The following EEIG1 variants were observed in gnomAD, a reference collection of about 807,000 sequenced individuals.
EEIG1 encodes early estrogen-induced gene 1 protein.
the EEIG1 span, among the ~76,000 whole-genome samples, chr9:127,958,098 T>C: frequency 1.3e-5 from 2 of 152,332 alleles, no homozygotes; most frequent in African/African-American, 4.8e-5. Flanking sequence ...AGAATAGTCT[T>C]TTCAACAAAT....
the EEIG1 span, chr9:127,942,529 C>T: frequency 2.6e-5 from 4 of 155,078 alleles, no homozygotes; most frequent in Non-Finnish European, 5.7e-5. Context: ...TGCAAGGCAG[C>T]GGGAGGACAT....
chr9:127,977,429 G>A, the EEIG1 span, among the ~76,000 whole-genome samples: 1 of 152,250 alleles, frequency 6.6e-6, no homozygotes, highest in East Asian at 1.9e-4. Context: ...AGTGGCTCCA[G>A]GGCCTGGAGG....
chr9:127,944,929 A>C, the EEIG1 span: 2 of 1,604,292 alleles, frequency 1.2e-6, no homozygotes, highest in Non-Finnish European at 1.7e-6. Flanking sequence ...ACAAGTCACA[A>C]CGGTCAGGGC....
the EEIG1 span, among the ~76,000 whole-genome samples, chr9:127,959,576 T>C: frequency 3.3e-5 from 5 of 152,182 alleles, no homozygotes; most frequent in East Asian, 1.9e-4. Flanking sequence ...GGGGAGGTGA[T>C]TGGATCATGG....
chr9:127,944,902 G>C, the EEIG1 span: 4 of 1,610,504 alleles, frequency 2.5e-6, no homozygotes, highest in African/African-American at 4.0e-5. Context: ...CTTCCGCCTG[G>C]GTCAGGTCGT....
chr9:127,976,940 C>A, the EEIG1 span, among the ~76,000 whole-genome samples: 1 of 152,024 alleles, frequency 6.6e-6, no homozygotes. This position sits in a 1 kb window ranked among gnomAD's most constrained non-coding sequence, Gnocchi z 4.1. Context: ...AACAATGGGG[C>A]CTTTGCTGTC....
the EEIG1 span, among the ~76,000 whole-genome samples, chr9:127,952,336 G>A: frequency 6.6e-6 from 1 of 152,252 alleles, no homozygotes; most frequent in African/African-American, 2.4e-5. Flanking sequence ...TGAGAGGTGA[G>A]GCGAAGGCAT....
At chr9:127,965,106 C>CAAAAAAAAAAAAAAAAAAAAAAAAA in the EEIG1 span, among the ~76,000 whole-genome samples, 1 of 69,702 alleles carries the variant, frequency 1.4e-5, no homozygotes, top group Admixed American at 1.8e-4. Flanking sequence ...AAGACTGTCT[C>CAAAAAAAAAAAAAAAAAAAAAAAAA]AAAAAAAAAA....
chr9:127,955,164 AC>A, the EEIG1 span, among the ~76,000 whole-genome samples: 11 of 152,316 alleles, frequency 7.2e-5, no homozygotes, highest in Non-Finnish European at 1.5e-4. Context: ...TAAGGAAGTG[AC>A]CCGAGGAGAG....
the EEIG1 span, chr9:127,944,792 C>T: frequency 1.2e-6 from 2 of 1,612,046 alleles, no homozygotes; most frequent in Admixed American, 1.7e-5. Flanking sequence ...GTGTTGCTGC[C>T]ATCTGTGAAA....
At chr9:127,977,558 C>T in the EEIG1 span, among the ~76,000 whole-genome samples, 3 of 152,212 alleles carry the variant, frequency 2.0e-5, no homozygotes, top group Admixed American at 1.3e-4. Context: ...CCCCACCCCA[C>T]CGCCCACCAA....
chr9:127,947,577 GA>G, the EEIG1 span, among the ~76,000 whole-genome samples: 1 of 152,162 alleles, frequency 6.6e-6, no homozygotes. Flanking sequence ...CACTGAGACA[GA>G]GAGACGCAAA....
At chr9:127,963,485 A>G in the EEIG1 span, among the ~76,000 whole-genome samples, 1 of 152,246 alleles carries the variant, frequency 6.6e-6, no homozygotes, top group East Asian at 1.9e-4. Context: ...AGACATGTAA[A>G]TCTCAGCAAG....
At chr9:127,951,944 C>T in the EEIG1 span, among the ~76,000 whole-genome samples, 1 of 152,186 alleles carries the variant, frequency 6.6e-6, no homozygotes, top group Non-Finnish European at 1.5e-5. Context: ...CGTCCAGCCA[C>T]TTCTCAGGGC....
the EEIG1 span, among the ~76,000 whole-genome samples, chr9:127,968,207 G>C: frequency 6.6e-6 from 1 of 152,034 alleles, no homozygotes; most frequent in Non-Finnish European, 1.5e-5. Context: ...CTCATGCCTG[G>C]GTGGTGGTTG....
chr9:127,957,286 G>GATCTTTTCTGCAACTTTT, the EEIG1 span, among the ~76,000 whole-genome samples: 1 of 152,016 alleles, frequency 6.6e-6, no homozygotes, highest in African/African-American at 2.4e-5. Context: ...AAAAGTTGCA[G>GATCTTTTCTGCAACTTTT]GATACAAGAT....
chr9:127,946,463 G>A, the EEIG1 span, among the ~76,000 whole-genome samples: 14 of 151,992 alleles, frequency 9.2e-5, no homozygotes, highest in South Asian at 1.9e-3. Flanking sequence ...TGACACCCCA[G>A]GCTGGCCTGT....
chr9:127,980,064 G>A, the EEIG1 span: 1 of 1,613,898 alleles, frequency 6.2e-7, no homozygotes, highest in Non-Finnish European at 8.5e-7. Flanking sequence ...GTTCACGAAG[G>A]GAACCGCAGT....
chr9:127,955,578 C>G, the EEIG1 span, among the ~76,000 whole-genome samples: 2 of 152,232 alleles, frequency 1.3e-5, no homozygotes, highest in Admixed American at 6.5e-5. Context: ...ACTGTATTTA[C>G]CCAGTGATGA....
Sources: gnomAD v4.1 joint callset for allele counts (sites outside exome capture counted in the v4.1 genomes callset) on GRCh38, gnomAD v4.1.1 for gene constraint, Gnocchi (gnomAD v3.1) non-coding constraint, MANE v1.5 for transcripts, NCBI Gene and HGNC (gene_info 2026-07-23, HGNC 2026-07-21) for gene names.